Variants in AKAIN1 observed in about 807,000 individuals in gnomAD.
AKAIN1 encodes A-kinase anchor protein inhibitor 1.
AKAIN1 carries 3 observed loss-of-function variants against 3.7 expected under a neutral mutation model. That is an observed-to-expected ratio of 0.82 (90% confidence interval 0.37 to 2.12). The LOEUF is 2.12. AKAIN1 is among the 30% of genes most tolerant of loss of function. The pLI, the probability that AKAIN1 is intolerant of heterozygous loss-of-function variation, is 0.06. For missense variants in AKAIN1, 82 were observed against 82.7 expected (o/e 0.99, Z 0.03); for synonymous variants, 31 against 30.8 (o/e 1.01, Z -0.02).
At chr18:5,192,452 T>TTTC (rs2071327104) in intron 1 of AKAIN1, among the ~76,000 whole-genome samples, 6 of 107,074 alleles carry the variant, frequency 5.6e-5, no homozygotes, top group South Asian at 2.9e-4. Flanking sequence ...TTTCTTTTTC[T>TTTC]TTTCTTTGGT....
chr18:5,165,462 A>G (rs1185848571), intron 1 of AKAIN1, among the ~76,000 whole-genome samples: 3 of 151,942 alleles, frequency 2.0e-5, no homozygotes, highest in Non-Finnish European at 4.4e-5. Context: ...CAAACCCATA[A>G]ACACAGTAAG....
chr18:5,197,201 G>T lies in AKAIN1; in HGVS notation c.-148C>A. ...GCGGTCAGCACCCCGGACAGCTCCC[G>T]CCGCTAGATCCTGGGGCCGCAGCTC... is the stretch of plus-strand genomic sequence containing the variant. On this transcript the variant is annotated 5_prime_UTR_variant, in exon 1 of 2. Coordinates refer to ENST00000434239, the MANE Select transcript of AKAIN1 (RefSeq NM_001145194.2). The surrounding 1 kb of genome is among the most constrained non-coding windows in gnomAD (Gnocchi z 6.9). 2 of 1,431,098 alleles carry T rather than the reference G, an allele frequency of 1.4e-6. No individual in the cohort carries two copies. The highest frequency in any genetic ancestry group is 2.9e-5 in the South Asian group (2 of 68,578). 88.6% of individuals were successfully genotyped at this position (1,431,098 alleles called of 1,614,324 possible). A position where few individuals can be genotyped will look rare whatever the true frequency, so the allele number is the denominator to read the frequency against.
At chr18:5,196,663 C>A (rs1359894915) in intron 1 of AKAIN1, among the ~76,000 whole-genome samples, 1 of 152,212 alleles carries the variant, frequency 6.6e-6, no homozygotes, top group Non-Finnish European at 1.5e-5. Context: ...GAGATTCCCA[C>A]GCAAGTAGCC....
chr18:5,170,477 C>A (rs1265926192), intron 1 of AKAIN1, among the ~76,000 whole-genome samples: 2 of 152,110 alleles, frequency 1.3e-5, no homozygotes, highest in African/African-American at 4.8e-5. Flanking sequence ...AACGGGGCAT[C>A]CCTAGAATTT....
At chr18:5,159,001 C>A (rs1211428746) in intron 1 of AKAIN1, among the ~76,000 whole-genome samples, 2 of 152,110 alleles carry the variant, frequency 1.3e-5, no homozygotes, top group Non-Finnish European at 2.9e-5. Context: ...CTTGCTCCAG[C>A]CATGAGTTCC....
chr18:5,196,256 C>T (rs961882390), intron 1 of AKAIN1, among the ~76,000 whole-genome samples: 3 of 152,224 alleles, frequency 2.0e-5, no homozygotes, highest in Non-Finnish European at 4.4e-5. Context: ...GTCGGACGTT[C>T]ACAACGACCA....
intron 1 of AKAIN1, among the ~76,000 whole-genome samples, chr18:5,162,134 T>C (rs2071142979): frequency 1.3e-5 from 2 of 152,040 alleles, no homozygotes; most frequent in South Asian, 2.1e-4. Context: ...TCAGTGAAAA[T>C]AACAAATGAT....
At chr18:5,156,305 GCAATCTTCA>G (rs1196880252) in intron 1 of AKAIN1, among the ~76,000 whole-genome samples, 1 of 151,992 alleles carries the variant, frequency 6.6e-6, no homozygotes, top group Non-Finnish European at 1.5e-5. Context: ...AATAAACAGC[GCAATCTTCA>G]CAATCACCAT....
chr18:5,189,281 T>C (rs2071305166), intron 1 of AKAIN1, among the ~76,000 whole-genome samples: 2 of 152,210 alleles, frequency 1.3e-5, no homozygotes, highest in Non-Finnish European at 2.9e-5. Flanking sequence ...TCTCCCATTG[T>C]CTTTATGAAT....
chr18:5,166,202 C>T (rs770000821), intron 1 of AKAIN1, among the ~76,000 whole-genome samples: 4 of 151,966 alleles, frequency 2.6e-5, no homozygotes, highest in Non-Finnish European at 5.9e-5. Flanking sequence ...ACGTATACGT[C>T]TTCTTCTAAT....
chr18:5,185,950 T>C (rs2071284775), intron 1 of AKAIN1, among the ~76,000 whole-genome samples: 1 of 152,108 alleles, frequency 6.6e-6, no homozygotes. Flanking sequence ...AACAGTAGAC[T>C]GGATAAACAA....
chr18:5,188,802 A>C (rs1018140516), intron 1 of AKAIN1, among the ~76,000 whole-genome samples: 2 of 151,674 alleles, frequency 1.3e-5, no homozygotes, highest in Non-Finnish European at 2.9e-5. Context: ...CCCAATATAA[A>C]CCCCTCATTT....
At chr18:5,166,021 T>G (rs292320) in intron 1 of AKAIN1, among the ~76,000 whole-genome samples, 92,516 of 151,810 alleles carry the variant, frequency 0.61, 29,087 homozygotes, top group African/African-American at 0.76. Flanking sequence ...AATATTCAAA[T>G]TTCTAAAATG....
chr18:5,154,308 C>T (rs540904710), intron 1 of AKAIN1, among the ~76,000 whole-genome samples: 1 of 152,258 alleles, frequency 6.6e-6, no homozygotes, highest in East Asian at 1.9e-4. Flanking sequence ...AAAATACTGT[C>T]TTGGAAATCC....
At chr18:5,155,969 G>A (rs2071105987) in intron 1 of AKAIN1, among the ~76,000 whole-genome samples, 1 of 152,124 alleles carries the variant, frequency 6.6e-6, no homozygotes, top group South Asian at 2.1e-4. Context: ...CATACTTAGA[G>A]TAACTAGTAC....
At chr18:5,177,047 A>G (rs911904638) in intron 1 of AKAIN1, among the ~76,000 whole-genome samples, 1 of 152,084 alleles carries the variant, frequency 6.6e-6, no homozygotes, top group Non-Finnish European at 1.5e-5. Context: ...TGGAATCACA[A>G]CCTCAGCTAG....
chr18:5,149,642 G>A (rs543615557), intron 1 of AKAIN1, among the ~76,000 whole-genome samples: 1 of 152,188 alleles, frequency 6.6e-6, no homozygotes, highest in African/African-American at 2.4e-5. Context: ...GCATATTCAC[G>A]ACGTGCATTG....
chr18:5,185,457 G>A (rs1055922226), intron 1 of AKAIN1, among the ~76,000 whole-genome samples: 5 of 152,000 alleles, frequency 3.3e-5, no homozygotes, highest in Admixed American at 2.0e-4. Flanking sequence ...TCCAACAAAG[G>A]TCTAATATCC....
At chr18:5,163,510 G>A (rs1030202655) in intron 1 of AKAIN1, among the ~76,000 whole-genome samples, 1 of 151,990 alleles carries the variant, frequency 6.6e-6, no homozygotes, top group South Asian at 2.1e-4. Flanking sequence ...TTGACTTGTT[G>A]AGAGATAGAA....
Sources: allele counts gnomAD v4.1 joint callset (sites outside exome capture counted in the v4.1 genomes callset), GRCh38; gene constraint gnomAD v4.1.1; non-coding constraint Gnocchi (gnomAD v3.1); transcripts MANE v1.5; gene names NCBI Gene and HGNC (gene_info 2026-07-23, HGNC 2026-07-21).